The following ARHGEF15 variants were observed in gnomAD, a reference collection of about 807,000 sequenced individuals.
ARHGEF15 encodes the protein Rho guanine nucleotide exchange factor (GEF) 15.
ARHGEF15 carries 58 observed loss-of-function variants against 79.7 expected under a neutral mutation model. The observed-to-expected ratio is 0.73, with a 90% CI of 0.59 to 0.91. The LOEUF is 0.91. ARHGEF15 is among the 40% of genes least tolerant of loss of function. ARHGEF15 has a pLI of 0.00. For missense variants in ARHGEF15, 1,012 were observed against 1,108.1 expected (o/e 0.91, Z 1.23); for synonymous variants, 442 against 456.0 (o/e 0.97, Z 0.39).
chr17:8,318,645 C>A lies in ARHGEF15; in HGVS notation c.1855C>A (p.Arg619Ser), dbSNP rs373534537. Residue 619 changes from arginine (R) to serine (S), a missense_variant, in exon 11 of 16, where the codon CGC (arginine) becomes AGC (serine). By Grantham distance (110) the Arg-to-Ser change is moderately radical. Transcript: ENST00000361926. The surrounding 1 kb of genome is among the most constrained non-coding windows in gnomAD (Gnocchi z 5.0). ...EELIRLTQRL[R>S]FHKVKALPLV... ...GCTGATCCGGCTCACCCAAAGGCTGCGCTTCCACAAAGTCAAGGTACATCG... is the reference window on the plus strand; with the variant it reads ...GCTGATCCGGCTCACCCAAAGGCTGAGCTTCCACAAAGTCAAGGTACATCG... 70 of 1,613,280 alleles carry A rather than the reference C, an allele frequency of 4.3e-5. No individual in the cohort carries two copies. In the South Asian group the frequency reaches 7.4e-4, roughly 17 times the overall value.
In ARHGEF15 at chr17:8,312,275, C is replaced by G. The variant is rs375572484; in HGVS notation, c.236C>G (p.Ser79Ter). 1 of 1,465,840 alleles carries G rather than the reference C, an allele frequency of 6.8e-7. No individual in the cohort carries two copies. Among genetic ancestry groups the G allele is most frequent in the Non-Finnish European group, 9.2e-7 (1 of 1,090,056 alleles). The allele number at this position is 1,465,840 out of a possible 1,614,324, so 90.8% of individuals were successfully genotyped here. The change falls in exon 2 of 16, where the codon TCA becomes TGA. Residue 79 changes from serine (S) to a stop codon, truncating the protein, a stop_gained. Transcript: ENST00000361926. LOFTEE classifies it high-confidence loss of function. ...AAGCCCCCTGCTCTTTTGCCCCCCT[C>G]AGCTTCTAGAGCCAGCCTCGACTCC... The part of the protein sequence containing the change: ...SLKPPALLPP[S>*]ASRASLDSQT...
rs372359408 is a variant in ARHGEF15, at chr17:8,315,727, C to G, written c.1422-28C>G. On this transcript the variant is annotated intron_variant, in intron 7 of 15. Coordinates refer to ENST00000361926, the MANE Select transcript of ARHGEF15 (RefSeq NM_173728.4). The surrounding 1 kb of genome is among the most constrained non-coding windows in gnomAD (Gnocchi z 4.3). ...GGGAGACCTGGCTCTCTGCCCCGCCCCATTGCTTGCTTCCCCAATTCCTTC... is the reference window on the plus strand; with the variant it reads ...GGGAGACCTGGCTCTCTGCCCCGCCGCATTGCTTGCTTCCCCAATTCCTTC... 8.7e-6 allele frequency: 14 copies of G among 1,607,156 alleles called. No individual in the cohort carries two copies. In the African/African-American group the frequency reaches 1.9e-4, roughly 21 times the overall value.
intron 9 of ARHGEF15, among the ~76,000 whole-genome samples, chr17:8,317,114 G>C (rs8077788): frequency 0.39 from 58,880 of 151,834 alleles, 11,767 homozygotes; most frequent in East Asian, 0.66. Flanking sequence ...AAAGCAGAGA[G>C]TCCTTTCTAA....
In ARHGEF15 at chr17:8,319,552, C is replaced by T. The variant is rs79993581; in HGVS notation, c.2323C>T (p.Arg775Trp). 42,413 of 1,611,294 alleles carry T rather than the reference C, an allele frequency of 0.026. 694 individuals are homozygous for T. The highest frequency in any genetic ancestry group is 0.061 in the Middle Eastern group (369 of 6,030). The change falls in exon 15 of 16, where the codon CGG (arginine) becomes TGG (tryptophan). Residue 775 changes from arginine (R) to tryptophan (W), a missense_variant. Arg to Trp is a moderately radical substitution (Grantham distance 101). Transcript: ENST00000361926. ...ESSAPAKTEG[R>W]SLESRAAPKH... ...GTCTGCACCTGCCAAGACTGAAGGA[C>T]GGAGTCTGGAGTCCAGGGCTGCCCC...
In ARHGEF15 at chr17:8,312,027, A is replaced by C. The variant is rs1208864173; in HGVS notation, c.-13A>C. ...AGCAGAGCACCTCACTCCTTTGAAG[A>C]GCACAGAGGAAGATGTCAGCCCAGT... On this transcript the variant is annotated 5_prime_UTR_variant, in exon 2 of 16. Transcript: ENST00000361926. The C allele has an allele frequency of 5.7e-6, 9 of 1,571,704 alleles. 1 individual carries two copies. The South Asian group carries it at 1.1e-4, about 19-fold the overall frequency.
Position 8,315,482 on chromosome 17 carries a change from C to T in ARHGEF15, c.1329C>T (p.Phe443=), listed in dbSNP as rs1466502908. 3 of 1,613,582 alleles carry T rather than the reference C, an allele frequency of 1.9e-6. No individual in the cohort carries two copies. Among genetic ancestry groups the T allele is most frequent in the Non-Finnish European group, 2.5e-6 (3 of 1,180,028 alleles). Residue 443 remains phenylalanine (F), a synonymous_variant, in exon 7 of 16, where the codon TTC becomes TTT. Coordinates refer to ENST00000361926, the MANE Select transcript of ARHGEF15 (RefSeq NM_173728.4). The surrounding 1 kb of genome is among the most constrained non-coding windows in gnomAD (Gnocchi z 4.3). ...LRSLRLLTDT[F]VLSQALRDTL... is the part of the protein sequence containing the mutation. The stretch of plus-strand genomic sequence containing the variant: ...CCCTGCGGCTGCTGACCGACACCTT[C>T]GTGCTGAGCCAGGCACTCCGGGACA...
chr17:8,316,597 C>A (rs1211564748), intron 9 of ARHGEF15, among the ~76,000 whole-genome samples: 6 of 152,232 alleles, frequency 3.9e-5, no homozygotes, highest in Admixed American at 3.9e-4. Context: ...TGAAAATAAT[C>A]TTAGTTATTC....
chr17:8,316,381 G>A (rs915513722), intron 9 of ARHGEF15, among the ~76,000 whole-genome samples: 1 of 152,208 alleles, frequency 6.6e-6, no homozygotes, highest in African/African-American at 2.4e-5. Flanking sequence ...GCAGGGAAAG[G>A]CCCTCTGGCT....
Position 8,315,116 on chromosome 17 carries a change from G to T in ARHGEF15, c.1099G>T (p.Gly367Trp), listed in dbSNP as rs746223199. The T allele has an allele frequency of 6.2e-6, 10 of 1,613,910 alleles. No homozygotes were observed. Among genetic ancestry groups the T allele is most frequent in the Admixed American group, 3.3e-5 (2 of 59,982 alleles). Residue 367 changes from glycine to tryptophan, a missense_variant, in exon 6 of 16, where the codon GGG becomes TGG. Coordinates refer to ENST00000361926, the MANE Select transcript of ARHGEF15 (RefSeq NM_173728.4). This position sits in a 1 kb window ranked among gnomAD's most constrained non-coding sequence, Gnocchi z 4.3. ...RAAVLSEELWGVGEDGSPSPA... is the reference protein window; with the variant it reads ...RAAVLSEELWWVGEDGSPSPA... ...AGCCGTGCTGTCAGAGGAGCTGTGG[G>T]GGGTGGGTGAGGATGGGAGTCCTTC...
chr17:8,314,483 C>T (rs1157316311), intron 4 of ARHGEF15, among the ~76,000 whole-genome samples: 1 of 151,992 alleles, frequency 6.6e-6, no homozygotes, highest in African/African-American at 2.4e-5. Context: ...ATAGGGCGTT[C>T]CAGACAATGG....
At chr17:8,319,687 G>C in intron 15 of ARHGEF15, 84 bp downstream of exon 15, 1 of 1,165,540 alleles carries the variant, frequency 8.6e-7, no homozygotes, top group South Asian at 2.1e-5. Context: ...CCAGGCTAGA[G>C]TGCAGTGGTG....
rs767736139 is a variant in ARHGEF15, at chr17:8,318,483, G to A, written c.1779+22G>A. The A allele has an allele frequency of 1.2e-6, 2 of 1,614,038 alleles. No individual in the cohort carries two copies. The highest frequency in any genetic ancestry group is 1.7e-6 in the Non-Finnish European group (2 of 1,179,964). On this transcript the variant is annotated intron_variant, in intron 10 of 15. Coordinates refer to ENST00000361926, the MANE Select transcript of ARHGEF15 (RefSeq NM_173728.4). The surrounding 1 kb of genome is among the most constrained non-coding windows in gnomAD (Gnocchi z 5.0). The stretch of plus-strand genomic sequence containing the variant: ...CAAGGTGGGCAGTGGGGAAGCTGAA[G>A]CAGGGGGAGGTGACAAGGTGGTAGA...
At position 8,316,159 on chromosome 17, in the gene ARHGEF15, C is replaced by A. The variant is rs770098237; in HGVS notation, c.1704+11C>A. 1 of 1,599,980 alleles carries A rather than the reference C, an allele frequency of 6.3e-7. No individual in the cohort carries two copies. Among genetic ancestry groups the A allele is most frequent in the East Asian group, 2.2e-5 (1 of 44,724 alleles). On this transcript the variant is annotated intron_variant, in intron 9 of 15. Coordinates refer to ENST00000361926, the MANE Select transcript of ARHGEF15 (RefSeq NM_173728.4). Reference sequence around the variant, plus strand: ...CGCATGCTGCTGCAGGTACCTGTCCCAGCTGCGGCCGTTTCTGCCCCACCA... The same window carrying A: ...CGCATGCTGCTGCAGGTACCTGTCCAAGCTGCGGCCGTTTCTGCCCCACCA...
In ARHGEF15 at chr17:8,313,120, G is replaced by C; in HGVS notation, c.800G>C (p.Arg267Pro). 1 of 1,576,230 alleles carries C rather than the reference G, an allele frequency of 6.3e-7. No homozygotes were observed. Among genetic ancestry groups the C allele is most frequent in the Non-Finnish European group, 8.6e-7 (1 of 1,158,558 alleles). ...GHPAVVLTSY[R>P]STAERKLLPL... The stretch of plus-strand genomic sequence containing the variant: ...CCTGCCGTTGTCCTCACATCCTACC[G>C]CTCCACTGCTGAGCGCAAACTCCTG... The change falls in exon 3 of 16, where the codon CGC (arginine) becomes CCC (proline). Residue 267 changes from arginine (R) to proline (P), a missense_variant. This residue lies in a region of ARHGEF15 where 818 missense variants were observed against 882.5 expected (regional missense o/e 0.93). Transcript: ENST00000361926.
rs1338874852 is a variant in ARHGEF15 at position 8,320,974 on chromosome 17, C to A, written c.2507C>A (p.Pro836His). The A allele has an allele frequency of 6.2e-7, 1 of 1,613,862 alleles. No homozygotes were observed. The highest frequency in any genetic ancestry group is 8.5e-7 in the Non-Finnish European group (1 of 1,179,822). The change falls in exon 16 of 16, where the codon CCC becomes CAC. Residue 836 changes from proline to histidine, a missense_variant. This residue lies in a region of ARHGEF15 where 132 missense variants were observed against 124.2 expected (regional missense o/e 1.06). Transcript: ENST00000361926. ...LEAVGSSSGTPNAPPP is the reference protein window; with the variant it reads ...LEAVGSSSGTHNAPPP Reference sequence around the variant, plus strand: ...GCTGTTGGATCTTCTTCAGGCACCCCCAATGCCCCCCCACCCTAATGCAGG... The same window carrying A: ...GCTGTTGGATCTTCTTCAGGCACCCACAATGCCCCCCCACCCTAATGCAGG...
In ARHGEF15 at chr17:8,315,363, A is replaced by AGCTTCCCACGGTGAACTGG. The variant is rs747465184; in HGVS notation, c.1261-40_1261-22dup. On this transcript the variant is annotated intron_variant, in intron 6 of 15. Transcript: ENST00000361926. The surrounding 1 kb of genome is among the most constrained non-coding windows in gnomAD (Gnocchi z 4.3). ...ATAGGGGAGGAGGGCCCAGGGTCCT[A>AGCTTCCCACGGTGAACTGG]GCTTCCCACGGTGAACTGGGCTTCC... 18 of 1,612,234 alleles carry AGCTTCCCACGGTGAACTGG rather than the reference A, an allele frequency of 1.1e-5. No individual in the cohort carries two copies. Among genetic ancestry groups the AGCTTCCCACGGTGAACTGG allele is most frequent in the African/African-American group, 6.7e-5 (5 of 74,686 alleles).
In ARHGEF15 at chr17:8,312,298, T is replaced by TC; in HGVS notation, c.262dup (p.Gln88ProfsTer14). ...CTCAGCTTCTAGAGCCAGCCTCGAC[T>TC]CCCAGACTTCCCCAGACTCACCTTC... On this transcript the variant is annotated frameshift_variant, in exon 2 of 16. Transcript: ENST00000361926. LOFTEE classifies it high-confidence loss of function. 6.7e-7 allele frequency: 1 copy of TC among 1,493,592 alleles called. No homozygotes were observed. The highest frequency in any genetic ancestry group is 9.0e-7 in the Non-Finnish European group (1 of 1,111,704). The allele number at this position is 1,493,592 out of a possible 1,614,324, so 92.5% of individuals were successfully genotyped here.
At position 8,315,919 on chromosome 17, in the gene ARHGEF15, A is replaced by C. The variant is rs1316325964; in HGVS notation, c.1574+12A>C. 7 of 1,606,838 alleles carry C rather than the reference A, an allele frequency of 4.4e-6. No individual in the cohort carries two copies. The highest frequency in any genetic ancestry group is 1.7e-6 in the Non-Finnish European group (2 of 1,179,744). ...TACAGCCGCCTCATGTGAGTGTCCCAGGGGTGGGGAGGAAGCTGGGGAGAG... is the reference window on the plus strand; with the variant it reads ...TACAGCCGCCTCATGTGAGTGTCCCCGGGGTGGGGAGGAAGCTGGGGAGAG... On this transcript the variant is annotated intron_variant, in intron 8 of 15. Transcript: ENST00000361926. This position sits in a 1 kb window ranked among gnomAD's most constrained non-coding sequence, Gnocchi z 4.3.
Position 8,316,165 on chromosome 17 carries a change from C to T in ARHGEF15, c.1704+17C>T, listed in dbSNP as rs773971384. On this transcript the variant is annotated intron_variant, in intron 9 of 15. Transcript: ENST00000361926. ...CTGCTGCAGGTACCTGTCCCAGCTG[C>T]GGCCGTTTCTGCCCCACCAACCCCA... 1.4e-5 allele frequency: 22 copies of T among 1,596,708 alleles called. No individual in the cohort carries two copies. The South Asian group carries it at 1.4e-4, about 10-fold the overall frequency.
Sources: allele counts gnomAD v4.1 joint callset (sites outside exome capture counted in the v4.1 genomes callset), GRCh38; gene constraint gnomAD v4.1.1; regional missense constraint gnomAD v4.1.1; non-coding constraint Gnocchi (gnomAD v3.1); transcripts MANE v1.5; gene names NCBI Gene and HGNC (gene_info 2026-07-23, HGNC 2026-07-21).